The following IL17RC variants were observed in gnomAD, a reference collection of about 807,000 sequenced individuals.
The protein encoded by IL17RC is interleukin-17 receptor C.
IL17RC carries 53 observed loss-of-function variants against 86.7 expected under a neutral mutation model. That is an observed-to-expected ratio of 0.61 (90% CI 0.49 to 0.77). The LOEUF (loss-of-function observed/expected upper bound fraction) is 0.77, where lower values mean the gene tolerates loss of function less well. Among genes scored for constraint, IL17RC ranks in the 30% least tolerant of loss-of-function variants. IL17RC has a pLI of 0.00. For missense variants in IL17RC, 957 were observed against 940.0 expected (o/e 1.02, Z -0.24); for synonymous variants, 439 against 413.1 (o/e 1.06, Z -0.76).
At chr3:9,927,294 C>T (rs2084174515) in intron 9 of IL17RC, among the ~76,000 whole-genome samples, 1 of 152,212 alleles carries the variant, frequency 6.6e-6, no homozygotes, top group African/African-American at 2.4e-5. Context: ...CACAGTGGCT[C>T]ACACCTGTAA....
intron 9 of IL17RC, 83 bp from the exon 10 acceptor site, chr3:9,928,083 A>G: frequency 7.7e-7 from 1 of 1,299,568 alleles, no homozygotes. Flanking sequence ...ATACCTGCTG[A>G]ATGAGTGCAT....
At chr3:9,929,740 T>C in intron 12 of IL17RC, 112 bp from the exon 13 acceptor site, 1 of 1,085,040 alleles carries the variant, frequency 9.2e-7, no homozygotes, top group South Asian at 1.3e-5. Flanking sequence ...TCAGGTCAGA[T>C]TGAGTGCAGA....
chr3:9,930,576 T>C lies in IL17RC; in HGVS notation c.1338+117T>C, dbSNP rs566124610. Reference sequence around the variant, plus strand: ...TGTTCAGCCCTGGGAAAGTTAAGAGTAGAAGAAGCACAGTTCCTATCCCCA... The same window carrying C: ...TGTTCAGCCCTGGGAAAGTTAAGAGCAGAAGAAGCACAGTTCCTATCCCCA... On this transcript the variant is annotated intron_variant, in intron 15 of 18. Transcript: ENST00000403601. This position sits in a 1 kb window ranked among gnomAD's most constrained non-coding sequence, Gnocchi z 5.8. 9.8e-7 allele frequency: 1 copy of C among 1,023,644 alleles called. No homozygotes were observed. The highest frequency in any genetic ancestry group is 1.6e-5 in the African/African-American group (1 of 62,918). 63.4% of individuals were successfully genotyped at this position (1,023,644 alleles called of 1,614,324 possible).
At position 9,918,507 on chromosome 3, in the gene IL17RC, C is replaced by T; in HGVS notation, c.363C>T (p.Leu121=). Residue 121 remains leucine (L), a synonymous_variant, in exon 5 of 19, where the codon CTC becomes CTT. Transcript: ENST00000403601. ...CTGCCCTGTTGCCCACAGCCTCTCTCCAGGCCCAAGTCGTGCTCTCCTTCC... is the reference window on the plus strand; with the variant it reads ...CTGCCCTGTTGCCCACAGCCTCTCTTCAGGCCCAAGTCGTGCTCTCCTTCC... The part of the protein sequence containing the change: ...SGVEEPRNAS[L]QAQVVLSFQA... 6.2e-7 allele frequency: 1 copy of T among 1,614,032 alleles called. No homozygotes were observed. Among genetic ancestry groups the T allele is most frequent in the Non-Finnish European group, 8.5e-7 (1 of 1,179,894 alleles).
intron 5 of IL17RC, among the ~76,000 whole-genome samples, chr3:9,920,239 GGGTGGGTGCA>G (rs1429933915): frequency 6.8e-6 from 1 of 147,472 alleles, no homozygotes; most frequent in Admixed American, 6.9e-5. Context: ...TAGCACAGCA[GGGTGGGTGCA>G]GGGATTTAAA....
At chr3:9,926,031 CTTTTTTT>C (rs5846649) in intron 9 of IL17RC, among the ~76,000 whole-genome samples, 2 of 89,788 alleles carry the variant, frequency 2.2e-5, no homozygotes, top group Non-Finnish European at 4.2e-5. Flanking sequence ...TAATTGTTTC[CTTTTTTT>C]TTTTTTTTTT....
chr3:9,920,979 A>G lies in IL17RC; in HGVS notation c.622+10A>G, dbSNP rs978126363. On this transcript the variant is annotated intron_variant, in intron 7 of 18. Transcript: ENST00000403601. ...ATCCCGAGCTGCTGGGGTAGGGGCT[A>G]GGGCCAGTGGGCCGGGGGTAGGGAG... 2 of 1,434,152 alleles carry G rather than the reference A, an allele frequency of 1.4e-6. No individual in the cohort carries two copies. Among genetic ancestry groups the G allele is most frequent in the Admixed American group, 2.1e-5 (1 of 48,312 alleles). 88.8% of individuals were successfully genotyped at this position (1,434,152 alleles called of 1,614,324 possible). A position where few individuals can be genotyped will look rare whatever the true frequency, so the allele number is the denominator to read the frequency against.
chr3:9,919,345 T>TA (rs34343952), intron 5 of IL17RC, among the ~76,000 whole-genome samples: 1 of 151,800 alleles, frequency 6.6e-6, no homozygotes, highest in Admixed American at 6.6e-5. Flanking sequence ...TTTTGCCACA[T>TA]AAAAAAACAA....
chr3:9,917,267 G>GC lies in IL17RC; in HGVS notation c.-49_-48insC, dbSNP rs758196774. ...GACTGGGGTGTCTGCCCCCCTTGGGGGGGGGCAGCACAGGGCCTCAGGCCT... is the reference window on the plus strand; with the variant it reads ...GACTGGGGTGTCTGCCCCCCTTGGGGCGGGGGCAGCACAGGGCCTCAGGCCT... On this transcript the variant is annotated 5_prime_UTR_variant, in exon 1 of 19. Coordinates refer to ENST00000403601, the MANE Select transcript of IL17RC (RefSeq NM_153460.4). 2.0e-6 allele frequency: 3 copies of GC among 1,495,842 alleles called. No homozygotes were observed. Among genetic ancestry groups the GC allele is most frequent in the Non-Finnish European group, 2.7e-6 (3 of 1,104,914 alleles). 92.7% of individuals were successfully genotyped at this position (1,495,842 alleles called of 1,614,324 possible).
chr3:9,930,250 TGGG>T lies in IL17RC; in HGVS notation c.1278+105_1278+107del, dbSNP rs1250473680. 6.4e-6 allele frequency: 10 copies of T among 1,558,158 alleles called. No homozygotes were observed. The highest frequency in any genetic ancestry group is 7.9e-6 in the Non-Finnish European group (9 of 1,138,042). ...CACCCTGTGCCGGTCTCTGGGAACATGGGGGGTGACTCAGACCAGGGCCATATT... is the reference window on the plus strand; with the variant it reads ...CACCCTGTGCCGGTCTCTGGGAACATGGGTGACTCAGACCAGGGCCATATT... On this transcript the variant is annotated intron_variant, in intron 14 of 18. Transcript: ENST00000403601. The surrounding 1 kb of genome is among the most constrained non-coding windows in gnomAD (Gnocchi z 5.8).
chr3:9,931,470 CATATATATATATAT>C (rs1553593529), intron 16 of IL17RC, among the ~76,000 whole-genome samples: 14 of 43,734 alleles, frequency 3.2e-4, no homozygotes, highest in Non-Finnish European at 3.8e-4. Flanking sequence ...CACACACACA[CATATATATATATAT>C]ATATATATAT....
intron 13 of IL17RC, 40 bp downstream of exon 13, chr3:9,929,937 C>T (rs1377465611): frequency 3.1e-6 from 5 of 1,613,608 alleles, no homozygotes; most frequent in Non-Finnish European, 4.2e-6. Flanking sequence ...GGGCCACCTC[C>T]TAGGGGTGAA....
rs750455361 is a variant in IL17RC at position 9,917,420 on chromosome 3, G to C, written c.105G>C (p.Pro35=). The C allele has an allele frequency of 4.3e-6, 7 of 1,614,182 alleles. No individual in the cohort carries two copies. Among genetic ancestry groups the C allele is most frequent in the South Asian group, 2.2e-5 (2 of 91,088 alleles). ...CTCAGGACGCTACCCACTGCTCTCC[G>C]GTGAGTCTGGAACCCTGGGGAGACG... ...VGPQDATHCS[P]GLSCRLWDSD... is the part of the protein sequence containing the mutation. Residue 35 remains proline, a splice_region_variant and synonymous_variant, in exon 1 of 19, where the codon CCG becomes CCC. Transcript: ENST00000403601.
In IL17RC at chr3:9,930,987, G is replaced by C; in HGVS notation, c.1387+44G>C. ...GCCTTTCCTTTCTGTACCAGGAGTG[G>C]GGATCTTGACAGGGACCACTCTTGG... On this transcript the variant is annotated intron_variant, in intron 16 of 18. Transcript: ENST00000403601. The surrounding 1 kb of genome is among the most constrained non-coding windows in gnomAD (Gnocchi z 5.8). 1 of 1,549,688 alleles carries C rather than the reference G, an allele frequency of 6.5e-7. No individual in the cohort carries two copies. Among genetic ancestry groups the C allele is most frequent in the Non-Finnish European group, 8.9e-7 (1 of 1,121,218 alleles).
In IL17RC at chr3:9,928,238, G is replaced by C. The variant is rs1048263899; in HGVS notation, c.877+18G>C. 2 of 1,575,238 alleles carry C rather than the reference G, an allele frequency of 1.3e-6. No homozygotes were observed. The highest frequency in any genetic ancestry group is 1.7e-6 in the Non-Finnish European group (2 of 1,171,602). On this transcript the variant is annotated intron_variant, in intron 10 of 18. Coordinates refer to ENST00000403601, the MANE Select transcript of IL17RC (RefSeq NM_153460.4). Reference sequence around the variant, plus strand: ...CAGGGAGGGTGAGCCGACCGGCCTGGGGCTGGGGTTGGGGTGTTGCGAGCG... The same window carrying C: ...CAGGGAGGGTGAGCCGACCGGCCTGCGGCTGGGGTTGGGGTGTTGCGAGCG...
intron 1 of IL17RC, 142 bp downstream of exon 1, chr3:9,917,562 G>T: frequency 1.2e-6 from 2 of 1,614,170 alleles, no homozygotes; most frequent in Non-Finnish European, 1.7e-6. Flanking sequence ...TAGAAGAGAA[G>T]AACGGGGAAG....
chr3:9,917,483 C>A lies in IL17RC; in HGVS notation c.105+63C>A. 1.2e-6 allele frequency: 2 copies of A among 1,614,180 alleles called. No homozygotes were observed. The highest frequency in any genetic ancestry group is 2.2e-5 in the South Asian group (2 of 91,078). ...GGGTTCAGTTTTTGGCTCAGCAAAG[C>A]CTTAGCCTGGCTCCTGTCACTGCTG... On this transcript the variant is annotated intron_variant, in intron 1 of 18. Coordinates refer to ENST00000403601, the MANE Select transcript of IL17RC (RefSeq NM_153460.4).
chr3:9,928,014 T>C (rs866858635), intron 9 of IL17RC, 152 bp from the exon 10 acceptor site: 3 of 700,016 alleles, frequency 4.3e-6, no homozygotes, highest in Non-Finnish European at 7.5e-6. Context: ...GCTGGAAGAA[T>C]AGATGTGAGC....
At chr3:9,918,785 G>A (rs1346690211) in intron 5 of IL17RC, among the ~76,000 whole-genome samples, 176 bp downstream of exon 5, 1 of 152,208 alleles carries the variant, frequency 6.6e-6, no homozygotes, top group Non-Finnish European at 1.5e-5. Flanking sequence ...AGCCATGTGA[G>A]GTGGGACTAT....
Sources: allele counts gnomAD v4.1 joint callset (sites outside exome capture counted in the v4.1 genomes callset), GRCh38; gene constraint gnomAD v4.1.1; non-coding constraint Gnocchi (gnomAD v3.1); transcripts MANE v1.5; gene names NCBI Gene and HGNC (gene_info 2026-07-23, HGNC 2026-07-21).